KLHL3: variants seen among roughly 807,000 people sequenced by gnomAD.
The protein encoded by KLHL3 is kelch-like protein 3.
KLHL3 carries 19 observed loss-of-function variants against 70.5 expected under a neutral mutation model. The ratio of observed to expected loss-of-function variants is 0.27; its 90% CI spans 0.19 to 0.40. The LOEUF (loss-of-function observed/expected upper bound fraction) is 0.40, where lower values mean the gene tolerates loss of function less well. Among genes scored for constraint, KLHL3 ranks in the 10% least tolerant of loss-of-function variants. The pLI is 1.00. For missense variants in KLHL3, 512 were observed against 771.1 expected (o/e 0.66, Z 3.98); for synonymous variants, 258 against 290.3 (o/e 0.89, Z 1.13).
At chr5:137,716,821 GGTGGGGTCTT>G (rs1752902227) in intron 2 of KLHL3, among the ~76,000 whole-genome samples, 1 of 152,134 alleles carries the variant, frequency 6.6e-6, no homozygotes, top group South Asian at 2.1e-4. Flanking sequence ...TGATATCAGT[GGTGGGGTCTT>G]TTGAAAGGGC....
At position 137,621,729 on chromosome 5, in the gene KLHL3, C is replaced by T. The variant is rs1013947730; in HGVS notation, c.*369G>A. On this transcript the variant is annotated 3_prime_UTR_variant, in exon 15 of 15. Transcript: ENST00000309755. ...AGTAAAGAAATCCAGTAGACTGTCA[C>T]ACACGCTCACCCCCCAACTTAGAGA... 1.2e-5 allele frequency: 3 copies of T among 249,736 alleles called. No homozygotes were observed. Among genetic ancestry groups the T allele is most frequent in the East Asian group, 7.9e-5 (1 of 12,728 alleles). 15.5% of individuals were successfully genotyped at this position (249,736 alleles called of 1,614,324 possible).
At chr5:137,679,792 A>G (rs1751979718) in intron 5 of KLHL3, among the ~76,000 whole-genome samples, 2 of 152,190 alleles carry the variant, frequency 1.3e-5, no homozygotes, top group African/African-American at 4.8e-5. Flanking sequence ...CTGAAATCCC[A>G]TTCAGAAATC....
At chr5:137,631,221 A>G (rs1218741089) in intron 12 of KLHL3, among the ~76,000 whole-genome samples, 1 of 152,200 alleles carries the variant, frequency 6.6e-6, no homozygotes, top group Non-Finnish European at 1.5e-5. Flanking sequence ...GTAAAGAGCC[A>G]GTGGACTGAT....
chr5:137,723,612 CCTAA>C (rs138963662), intron 1 of KLHL3, among the ~76,000 whole-genome samples: 318 of 152,230 alleles, frequency 2.1e-3, no homozygotes, highest in South Asian at 3.7e-3. Flanking sequence ...TCCTATTATT[CCTAA>C]CTATTTGAAC....
At chr5:137,635,952 C>T (rs1450133123) in intron 11 of KLHL3, among the ~76,000 whole-genome samples, 1 of 152,170 alleles carries the variant, frequency 6.6e-6, no homozygotes, top group African/African-American at 2.4e-5. Context: ...CAAGGTTCCT[C>T]CTTGAGTCTA....
At chr5:137,694,843 G>A (rs1752407905) in intron 4 of KLHL3, among the ~76,000 whole-genome samples, 1 of 152,092 alleles carries the variant, frequency 6.6e-6, no homozygotes, top group Non-Finnish European at 1.5e-5. Context: ...AAGCCCTGAG[G>A]GAGAGGAAGC....
chr5:137,725,334 G>A (rs1753069393), intron 1 of KLHL3, among the ~76,000 whole-genome samples: 1 of 152,122 alleles, frequency 6.6e-6, no homozygotes, highest in African/African-American at 2.4e-5. Context: ...GATGTTTTCT[G>A]TTGAAAAGCA....
At chr5:137,635,223 G>A (rs1580721413) in intron 11 of KLHL3, among the ~76,000 whole-genome samples, 3 of 152,254 alleles carry the variant, frequency 2.0e-5, no homozygotes, top group Admixed American at 2.0e-4. Context: ...ATATAAAAAT[G>A]TTTTTCTTCT....
chr5:137,708,549 C>A (rs548322614), intron 3 of KLHL3, among the ~76,000 whole-genome samples: 2 of 152,314 alleles, frequency 1.3e-5, no homozygotes, highest in East Asian at 3.9e-4. Context: ...TTGTGTCCTA[C>A]CATGTACCAG....
intron 12 of KLHL3, among the ~76,000 whole-genome samples, chr5:137,631,125 A>G (rs1401586987): frequency 1.3e-5 from 2 of 151,060 alleles, no homozygotes; most frequent in East Asian, 3.9e-4. Flanking sequence ...ACATTGCGGG[A>G]ATGTGGCTTC....
At position 137,638,969 on chromosome 5, in the gene KLHL3, G is replaced by T. The variant is rs1225499505; in HGVS notation, c.1203C>A (p.Gly401=). 1 of 1,614,126 alleles carries T rather than the reference G, an allele frequency of 6.2e-7. No individual in the cohort carries two copies. Among genetic ancestry groups the T allele is most frequent in the Admixed American group, 1.7e-5 (1 of 60,018 alleles). Residue 401 remains glycine (G), a synonymous_variant, in exon 10 of 15, where the codon GGC becomes GGA. Transcript: ENST00000309755. ...TAAACCTACCAGTACTGCCATCAAA[G>T]CCTCCCACTGCGTAGAGCAAGTCAT... is the stretch of plus-strand genomic sequence containing the variant. ...VLNDLLYAVG[G]FDGSTGLASV...
chr5:137,668,579 G>A (rs1032688228), intron 6 of KLHL3, among the ~76,000 whole-genome samples: 2 of 152,176 alleles, frequency 1.3e-5, no homozygotes, highest in Non-Finnish European at 1.5e-5. Context: ...CTCCTGCCAT[G>A]CTTTTAAATC....
At chr5:137,628,160 T>C (rs1034017912) in intron 13 of KLHL3, 137 bp downstream of exon 13, 31 of 1,087,296 alleles carry the variant, frequency 2.9e-5, no homozygotes, top group Middle Eastern at 5.4e-4. Flanking sequence ...AGAGCCCACC[T>C]GGCAAATGCA....
intron 8 of KLHL3, among the ~76,000 whole-genome samples, chr5:137,650,260 A>G (rs1323680727): frequency 6.6e-6 from 1 of 152,146 alleles, no homozygotes; most frequent in Non-Finnish European, 1.5e-5. Flanking sequence ...TTTACCTTGG[A>G]GACACAGCTC....
intron 8 of KLHL3, among the ~76,000 whole-genome samples, chr5:137,643,899 C>T (rs1052801313): frequency 6.6e-6 from 1 of 152,096 alleles, no homozygotes; most frequent in South Asian, 2.1e-4. Flanking sequence ...CTCCCTTCCC[C>T]AGCCTCTGAT....
At chr5:137,695,267 A>C (rs1465483869) in intron 4 of KLHL3, among the ~76,000 whole-genome samples, 1 of 152,208 alleles carries the variant, frequency 6.6e-6, no homozygotes, top group Non-Finnish European at 1.5e-5. Context: ...ATACCCACTT[A>C]GTAGGCAAAA....
chr5:137,723,737 T>G (rs1235099628), intron 1 of KLHL3, among the ~76,000 whole-genome samples: 1 of 152,238 alleles, frequency 6.6e-6, no homozygotes, highest in African/African-American at 2.4e-5. Context: ...AAGTTTGCAC[T>G]GGCTAGGATG....
At chr5:137,666,704 C>T (rs28414091) in intron 6 of KLHL3, among the ~76,000 whole-genome samples, 11 of 152,192 alleles carry the variant, frequency 7.2e-5, no homozygotes, top group Non-Finnish European at 1.5e-4. Context: ...CATTCGGCAA[C>T]AACAGTGACC....
chr5:137,652,162 T>C (rs1167926389), intron 8 of KLHL3, among the ~76,000 whole-genome samples: 2 of 152,128 alleles, frequency 1.3e-5, no homozygotes, highest in Non-Finnish European at 2.9e-5. Flanking sequence ...ATTTTTTATA[T>C]AGAGCACAAA....
Sources: allele counts gnomAD v4.1 joint callset (sites outside exome capture counted in the v4.1 genomes callset), GRCh38; gene constraint gnomAD v4.1.1; transcripts MANE v1.5; gene names NCBI Gene and HGNC (gene_info 2026-07-23, HGNC 2026-07-21).